The following ARIH2 variants were observed in gnomAD, a reference collection of about 807,000 sequenced individuals.
ARIH2 encodes ariadne RBR E3 ubiquitin protein ligase 2, also known as E3 ubiquitin-protein ligase ARIH2.
A neutral mutation model predicts 79.8 loss-of-function variants in ARIH2; 12 were observed. The ratio of observed to expected loss-of-function variants is 0.15; its 90% CI spans 0.10 to 0.24. The LOEUF (loss-of-function observed/expected upper bound fraction) is 0.24, where lower values mean the gene tolerates loss of function less well. Ranked by LOEUF, ARIH2 falls within the 10% of genes least tolerant of loss-of-function variation. The pLI is 1.00. For missense variants in ARIH2, 301 were observed against 618.3 expected, an observed-to-expected ratio of 0.49 and a Z score of 5.44; for synonymous variants, 224 against 213.9, an observed-to-expected ratio of 1.05 and a Z score of -0.41.
At position 48,984,943 on chromosome 3, in the gene ARIH2, CTG is replaced by C. The variant is rs1467335360; in HGVS notation, c.*1676_*1677del. On this transcript the variant is annotated 3_prime_UTR_variant, in exon 16 of 16. Transcript: ENST00000356401. ...TGTGTTGTCCCCAGCAAGGGAGAGA[CTG>C]TGGGGTGGATTGGGAGAACAGATTA... 2.6e-5 allele frequency: 4 copies of C among 152,284 alleles called. No homozygotes were observed. Among genetic ancestry groups the C allele is most frequent in the Admixed American group, 1.3e-4 (2 of 15,292 alleles). 9.4% of individuals were successfully genotyped at this position (152,284 alleles called of 1,614,324 possible).
chr3:48,956,542 C>T (rs1024129549), intron 3 of ARIH2, among the ~76,000 whole-genome samples: 2 of 146,894 alleles, frequency 1.4e-5, no homozygotes, highest in Admixed American at 6.9e-5. Context: ...GCAATTCTCC[C>T]GCCTCAGCCT....
In ARIH2 at chr3:48,980,403, G is replaced by A. The variant is rs779612859; in HGVS notation, c.1164G>A (p.Arg388=). The change falls in exon 13 of 16, where the codon CGG becomes CGA. Residue 388 remains arginine (R), a synonymous_variant. Transcript: ENST00000356401. ...SLQLEAQTYQ[R]IHEKIQERVM... is the part of the protein sequence containing the mutation. ...AGCTAGAGGCACAGACATACCAGCG[G>A]ATTCACGAGAAGATTCAGGAGAGGG... 6.2e-7 allele frequency: 1 copy of A among 1,614,144 alleles called. No individual in the cohort carries two copies. The highest frequency in any genetic ancestry group is 8.5e-7 in the Non-Finnish European group (1 of 1,180,028).
Position 48,918,895 on chromosome 3 carries a change from G to C in ARIH2, c.-265G>C, listed in dbSNP as rs765089859. The C allele has an allele frequency of 2.4e-5, 38 of 1,602,176 alleles. No individual in the cohort carries two copies. The Admixed American group carries it at 4.2e-4, about 18-fold the overall frequency. ...AAGCAGCGCGGGCTTGACCGGCGTC[G>C]GCCCGCCGCCTCCGCTGCCGCTTCG... is the stretch of plus-strand genomic sequence containing the variant. On this transcript the variant is annotated 5_prime_UTR_variant, in exon 1 of 16. Coordinates refer to ENST00000356401, the MANE Select transcript of ARIH2 (RefSeq NM_006321.4).
At chr3:48,967,101 T>C in intron 5 of ARIH2, 24 bp from the exon 6 acceptor site, 1 of 1,610,704 alleles carries the variant, frequency 6.2e-7, no homozygotes, top group Non-Finnish European at 8.5e-7. Flanking sequence ...CCTCTTTGGC[T>C]CATGTGGCTC....
At chr3:48,933,316 G>GGTGTGT (rs150441338) in intron 3 of ARIH2, among the ~76,000 whole-genome samples, 4 of 140,130 alleles carry the variant, frequency 2.9e-5, no homozygotes, top group Admixed American at 7.2e-5. Flanking sequence ...CATGCCCGGG[G>GGTGTGT]GTGTGTGTGT....
At chr3:48,979,812 A>C in intron 12 of ARIH2, 179 bp downstream of exon 12, 1 of 603,770 alleles carries the variant, frequency 1.7e-6, no homozygotes, top group South Asian at 2.6e-5. Context: ...TCTATAGGGT[A>C]TATCCCCAGC....
chr3:48,942,998 T>C (rs2107264910), intron 3 of ARIH2, among the ~76,000 whole-genome samples: 1 of 152,120 alleles, frequency 6.6e-6, no homozygotes, highest in South Asian at 2.1e-4. Flanking sequence ...AAGCTGGTCT[T>C]GAATTCCTGA....
chr3:48,982,017 C>T (rs963166005), intron 14 of ARIH2, among the ~76,000 whole-genome samples: 1 of 152,150 alleles, frequency 6.6e-6, no homozygotes, highest in Non-Finnish European at 1.5e-5. Flanking sequence ...AGTGCCCATG[C>T]TTGGGAGGGA....
chr3:48,930,151 C>T (rs2086176006), intron 3 of ARIH2, among the ~76,000 whole-genome samples: 1 of 151,666 alleles, frequency 6.6e-6, no homozygotes, highest in South Asian at 2.1e-4. Context: ...GTTGACTGTA[C>T]CTAAAGGGAC....
chr3:48,924,985 C>T (rs1163000530), intron 2 of ARIH2: 3 of 152,080 alleles, frequency 2.0e-5, no homozygotes, highest in East Asian at 1.9e-4. Context: ...TGAGCCACTG[C>T]GCCCAGCCTA....
chr3:48,971,893 G>A (rs1355187653), intron 8 of ARIH2, among the ~76,000 whole-genome samples: 1 of 152,166 alleles, frequency 6.6e-6, no homozygotes, highest in African/African-American at 2.4e-5. Flanking sequence ...GCCTTTTCTA[G>A]CCACAAAGTA....
intron 3 of ARIH2, among the ~76,000 whole-genome samples, chr3:48,946,127 G>A (rs1047949906): frequency 1.3e-5 from 2 of 152,052 alleles, no homozygotes; most frequent in Non-Finnish European, 2.9e-5. Flanking sequence ...AGCGACTAAA[G>A]CATTCATATT....
intron 3 of ARIH2, among the ~76,000 whole-genome samples, chr3:48,937,636 TAAA>T (rs1429308748): frequency 2.6e-5 from 4 of 152,198 alleles, no homozygotes; most frequent in African/African-American, 9.6e-5. Flanking sequence ...CCCAGGCCAA[TAAA>T]TGCACAGTTG....
At chr3:48,977,004 T>C (rs61508251) in intron 11 of ARIH2, among the ~76,000 whole-genome samples, 1 of 151,766 alleles carries the variant, frequency 6.6e-6, no homozygotes, top group South Asian at 2.1e-4. Flanking sequence ...ATCGAGACCA[T>C]CCTGGCTAAC....
rs371973412 is a variant in ARIH2, at chr3:48,979,591, G to A, written c.1071G>A (p.Gln357=). 3.7e-6 allele frequency: 6 copies of A among 1,614,114 alleles called. No individual in the cohort carries two copies. Among genetic ancestry groups the A allele is most frequent in the African/African-American group, 1.3e-5 (1 of 74,954 alleles). ...PDIVNQSQQA[Q]AREALKKYLF... is the part of the protein sequence containing the mutation. ...TCGTGAACCAGAGCCAACAAGCCCA[G>A]GCGAGGGAAGCCCTCAAGAAGTACT... The change falls in exon 12 of 16, where the codon CAG becomes CAA. Residue 357 remains glutamine, a synonymous_variant. Coordinates refer to ENST00000356401, the MANE Select transcript of ARIH2 (RefSeq NM_006321.4).
intron 2 of ARIH2, among the ~76,000 whole-genome samples, chr3:48,923,577 A>G (rs2085145709): frequency 6.7e-6 from 1 of 150,104 alleles, no homozygotes; most frequent in African/African-American, 2.5e-5. Context: ...GTTGGAGTGT[A>G]ATGATGCAAT....
At chr3:48,957,777 G>A (rs1375801009) in intron 3 of ARIH2, among the ~76,000 whole-genome samples, 3 of 152,046 alleles carry the variant, frequency 2.0e-5, no homozygotes, top group Admixed American at 6.6e-5. Context: ...GTGCAGTGGC[G>A]CGATCTCAGC....
intron 3 of ARIH2, among the ~76,000 whole-genome samples, chr3:48,960,844 ATATAT>A (rs1161756562): frequency 6.6e-6 from 1 of 151,680 alleles, no homozygotes; most frequent in Non-Finnish European, 1.5e-5. Flanking sequence ...TAGATCTGTC[ATATAT>A]TATTTAACTC....
intron 5 of ARIH2, among the ~76,000 whole-genome samples, chr3:48,965,711 AGCACTTTGGGGG>A (rs2091723874): frequency 6.6e-6 from 1 of 152,206 alleles, no homozygotes; most frequent in Admixed American, 6.5e-5. Context: ...CCATAATCCC[AGCACTTTGGGGG>A]GCCGAGGCGG....
Sources: gnomAD v4.1 joint callset for allele counts (sites outside exome capture counted in the v4.1 genomes callset) on GRCh38, gnomAD v4.1.1 for gene constraint, MANE v1.5 for transcripts, NCBI Gene and HGNC (gene_info 2026-07-23, HGNC 2026-07-21) for gene names.